APBB2: variants seen among roughly 807,000 people sequenced by gnomAD.
APBB2 encodes amyloid beta precursor protein binding family B member 2.
Under a neutral mutation model 82.5 loss-of-function variants are expected in APBB2, and 38 were observed. The observed-to-expected ratio is 0.46, with a 90% CI of 0.36 to 0.60. APBB2 has a LOEUF of 0.60. APBB2 is among the 20% of genes least tolerant of loss of function. APBB2 has a pLI of 0.00. For synonymous variants in APBB2, 341 were observed against 368.2 expected, an observed-to-expected ratio of 0.93 and a Z score of 0.85; for missense variants, 772 against 972.3, an observed-to-expected ratio of 0.79 and a Z score of 2.74.
intron 1 of APBB2, among the ~76,000 whole-genome samples, chr4:41,164,773 T>A (rs10009588): frequency 0.15 from 22,817 of 152,206 alleles, 3,075 homozygotes; most frequent in African/African-American, 0.37. Context: ...TAAATTCCAG[T>A]TGTTCTAAGA....
At chr4:40,982,350 G>A (rs1427383752) in intron 6 of APBB2, among the ~76,000 whole-genome samples, 262 of 11,766 alleles carry the variant, frequency 0.022, 38 homozygotes, top group Middle Eastern at 0.036. Context: ...AAGGAAGGAA[G>A]GAAGGAAGGA....
At chr4:40,954,186 T>A (rs1790966187) in intron 6 of APBB2, among the ~76,000 whole-genome samples, 1 of 152,152 alleles carries the variant, frequency 6.6e-6, no homozygotes, top group Admixed American at 6.5e-5. Flanking sequence ...GAAAATAGAT[T>A]TGCTTCTAGC....
chr4:40,988,648 A>G (rs1801093153), intron 6 of APBB2, among the ~76,000 whole-genome samples: 2 of 84,718 alleles, frequency 2.4e-5, no homozygotes, highest in South Asian at 1.1e-3. Flanking sequence ...AAAAAAAAAA[A>G]AAAAAAAGAC....
At chr4:40,970,049 T>G (rs1795580673) in intron 6 of APBB2, among the ~76,000 whole-genome samples, 1 of 152,176 alleles carries the variant, frequency 6.6e-6, no homozygotes, top group African/African-American at 2.4e-5. Context: ...TCAGAGGGGA[T>G]CCATCTTTTT....
chr4:40,920,526 A>G (rs1361028459), intron 10 of APBB2, among the ~76,000 whole-genome samples: 1 of 152,136 alleles, frequency 6.6e-6, no homozygotes, highest in Non-Finnish European at 1.5e-5. Flanking sequence ...CTCCCACCAC[A>G]ACAACCCCAC....
chr4:40,919,242 T>C (rs566827567), intron 10 of APBB2, among the ~76,000 whole-genome samples: 1 of 152,328 alleles, frequency 6.6e-6, no homozygotes, highest in South Asian at 2.1e-4. Context: ...ATGCACTTAC[T>C]AAATATAACC....
rs117540866 is a variant in APBB2 at position 40,959,949 on chromosome 4, G to A, written c.836-14876C>T. ...TTCAGCAATGTTAAATAACTTGATCGAGGTTAGGAAAATGCTTATCATTTG... is the reference window on the plus strand; with the variant it reads ...TTCAGCAATGTTAAATAACTTGATCAAGGTTAGGAAAATGCTTATCATTTG... On this transcript the variant is annotated intron_variant, in intron 6 of 17. Transcript: ENST00000508593. 3.7e-4 allele frequency among the ~76,000 whole-genome samples: 57 copies of A among 152,214 alleles called. No individual in the cohort carries two copies. The East Asian group carries it at 9.1e-3, about 24-fold the overall frequency.
chr4:41,106,311 T>TAGCCCAA (rs1269993582), intron 2 of APBB2, among the ~76,000 whole-genome samples: 1 of 152,226 alleles, frequency 6.6e-6, no homozygotes, highest in Non-Finnish European at 1.5e-5. Context: ...CTTCAACCTC[T>TAGCCCAA]AGCCCAAAGC....
At chr4:40,848,748 T>A (rs749686791) in intron 12 of APBB2, among the ~76,000 whole-genome samples, 6 of 134,998 alleles carry the variant, frequency 4.4e-5, no homozygotes, top group Non-Finnish European at 9.5e-5. Flanking sequence ...CCAGCCACAC[T>A]GGGACCGTTT....
intron 6 of APBB2, among the ~76,000 whole-genome samples, chr4:40,946,783 T>C (rs1029404916): frequency 6.6e-6 from 1 of 152,114 alleles, no homozygotes; most frequent in Non-Finnish European, 1.5e-5. Flanking sequence ...GCAACCGGAG[T>C]GCTTTCCGGC....
intron 12 of APBB2, among the ~76,000 whole-genome samples, chr4:40,886,998 G>A (rs755225159): frequency 1.4e-4 from 21 of 152,324 alleles, no homozygotes; most frequent in Admixed American, 8.5e-4. Context: ...AAGAAACACC[G>A]TAATAAAGAC....
At chr4:40,827,668 C>A (rs1750415295) in intron 13 of APBB2, among the ~76,000 whole-genome samples, 1 of 152,178 alleles carries the variant, frequency 6.6e-6, no homozygotes, top group African/African-American at 2.4e-5. Flanking sequence ...GTGACCTTGA[C>A]CTTGGGCAAG....
chr4:41,045,328 C>G (rs1227345273), intron 4 of APBB2, among the ~76,000 whole-genome samples: 1 of 152,052 alleles, frequency 6.6e-6, no homozygotes, highest in Non-Finnish European at 1.5e-5. Flanking sequence ...GAGTCTCGCT[C>G]TGTTGCCCAG....
At chr4:40,876,019 G>A (rs961858021) in intron 12 of APBB2, among the ~76,000 whole-genome samples, 8 of 152,224 alleles carry the variant, frequency 5.3e-5, no homozygotes, top group African/African-American at 1.7e-4. Flanking sequence ...CCTGGCTTGA[G>A]GTTTTTTGAA....
At chr4:40,957,545 C>T (rs533172510) in intron 6 of APBB2, among the ~76,000 whole-genome samples, 33 of 150,582 alleles carry the variant, frequency 2.2e-4, no homozygotes, top group African/African-American at 7.5e-4. Flanking sequence ...CTATTTAAGA[C>T]ATTCTTGATG....
At chr4:41,140,915 T>C (rs903738222) in intron 2 of APBB2, among the ~76,000 whole-genome samples, 1 of 152,170 alleles carries the variant, frequency 6.6e-6, no homozygotes, top group Non-Finnish European at 1.5e-5. Context: ...TCCCACTGAT[T>C]CTACATTACA....
At chr4:41,016,650 T>C (rs1270293885) in intron 5 of APBB2, among the ~76,000 whole-genome samples, 1 of 151,456 alleles carries the variant, frequency 6.6e-6, no homozygotes, top group Non-Finnish European at 1.5e-5. Context: ...AAACTCTGTC[T>C]CAAAAAACAA....
At chr4:41,003,517 G>A (rs1805801296) in intron 6 of APBB2, among the ~76,000 whole-genome samples, 1 of 152,014 alleles carries the variant, frequency 6.6e-6, no homozygotes, top group South Asian at 2.1e-4. Flanking sequence ...ATTAAATTGA[G>A]GTGAAGTCAT....
chr4:41,141,200 G>A (rs937674037), intron 2 of APBB2, among the ~76,000 whole-genome samples: 4 of 150,932 alleles, frequency 2.7e-5, no homozygotes, highest in African/African-American at 7.3e-5. Flanking sequence ...GGGATGTTTT[G>A]GATGTAAGAG....
Sources: gnomAD v4.1 joint callset for allele counts (sites outside exome capture counted in the v4.1 genomes callset) on GRCh38, gnomAD v4.1.1 for gene constraint, MANE v1.5 for transcripts, NCBI Gene and HGNC (gene_info 2026-07-23, HGNC 2026-07-21) for gene names.